C1QTNF3: variants seen among roughly 807,000 people sequenced by gnomAD.
C1QTNF3 encodes the protein C1q and TNF related 3, also known as complement C1q tumor necrosis factor-related protein 3.
C1QTNF3 carries 26 observed loss-of-function variants against 32.6 expected under a neutral mutation model. That is an observed-to-expected ratio of 0.80 (90% CI 0.58 to 1.11). C1QTNF3 has a LOEUF of 1.11. Ranked by LOEUF, C1QTNF3 falls within the 50% of genes least tolerant of loss-of-function variation. C1QTNF3 has a pLI of 0.00. For missense variants in C1QTNF3, 362 were observed against 398.2 expected (o/e 0.91, Z 0.77); for synonymous variants, 155 against 146.0 (o/e 1.06, Z -0.44).
the C1QTNF3 span, among the ~76,000 whole-genome samples, chr5:34,049,891 CAA>C: frequency 6.6e-6 from 1 of 152,158 alleles, no homozygotes; most frequent in African/African-American, 2.4e-5. Context: ...ATAATTCATT[CAA>C]AGTCTACTGA....
At chr5:34,066,160 T>C in the C1QTNF3 span, among the ~76,000 whole-genome samples, 2 of 152,198 alleles carry the variant, frequency 1.3e-5, no homozygotes, top group Non-Finnish European at 2.9e-5. Flanking sequence ...CCTGTGATCT[T>C]ATCGGGAAGC....
chr5:34,026,547 G>A (rs1209844866), intron 4 of C1QTNF3, among the ~76,000 whole-genome samples: 1 of 151,650 alleles, frequency 6.6e-6, no homozygotes, highest in African/African-American at 2.4e-5. Context: ...GCTGGCTTCA[G>A]AAGCTTTCAT....
the C1QTNF3 span, among the ~76,000 whole-genome samples, chr5:34,170,335 T>A: frequency 1.3e-5 from 2 of 152,282 alleles, no homozygotes; most frequent in East Asian, 3.9e-4. Flanking sequence ...GCAAGATAAA[T>A]ACATTTTAGA....
the C1QTNF3 span, among the ~76,000 whole-genome samples, chr5:34,125,872 A>G: frequency 2.6e-5 from 4 of 152,176 alleles, no homozygotes; most frequent in Non-Finnish European, 5.9e-5. Flanking sequence ...AAATTTATTT[A>G]GCTTTTATTA....
intron 1 of C1QTNF3, among the ~76,000 whole-genome samples, chr5:34,040,497 G>A (rs1438204937): frequency 6.6e-6 from 1 of 152,070 alleles, no homozygotes; most frequent in Non-Finnish European, 1.5e-5. Context: ...TGAAAAAGAG[G>A]CTACAGAGAA....
At chr5:34,157,696 G>A in the C1QTNF3 span, among the ~76,000 whole-genome samples, 1 of 152,162 alleles carries the variant, frequency 6.6e-6, no homozygotes. Context: ...GGGGACCAAG[G>A]GTTAAGGAAT....
At chr5:34,168,238 A>G in the C1QTNF3 span, 3 of 152,208 alleles carry the variant, frequency 2.0e-5, no homozygotes, top group South Asian at 6.2e-4. Context: ...AGTATATTTT[A>G]CCTATAATAG....
intron 4 of C1QTNF3, among the ~76,000 whole-genome samples, chr5:34,025,095 C>T (rs1480357991): frequency 6.6e-6 from 1 of 152,148 alleles, no homozygotes; most frequent in Admixed American, 6.6e-5. Flanking sequence ...GCCAGGAATG[C>T]ATATTCAATG....
the C1QTNF3 span, among the ~76,000 whole-genome samples, chr5:34,091,576 T>C: frequency 6.6e-6 from 1 of 152,282 alleles, no homozygotes; most frequent in Admixed American, 6.5e-5. Flanking sequence ...TTCATGACAT[T>C]TGTATGAAAG....
the C1QTNF3 span, chr5:34,106,341 C>T: frequency 6.6e-6 from 1 of 151,662 alleles, no homozygotes; most frequent in East Asian, 1.9e-4. Context: ...TTAAGTAATT[C>T]AAAGAATATA....
chr5:34,022,106 A>C (rs903724411), intron 5 of C1QTNF3, among the ~76,000 whole-genome samples: 10 of 152,268 alleles, frequency 6.6e-5, no homozygotes, highest in Admixed American at 5.9e-4. Context: ...AACTGTCAAG[A>C]AAAGTATATG....
the C1QTNF3 span, among the ~76,000 whole-genome samples, chr5:34,169,962 T>C: frequency 3.3e-5 from 5 of 152,304 alleles, no homozygotes; most frequent in South Asian, 1.0e-3. Context: ...AATCAGGATC[T>C]TGTAGAGATA....
At chr5:34,216,958 T>C in the C1QTNF3 span, among the ~76,000 whole-genome samples, 4 of 152,112 alleles carry the variant, frequency 2.6e-5, no homozygotes, top group African/African-American at 9.7e-5. Context: ...TTGTGAAATA[T>C]AATCACAAAA....
the C1QTNF3 span, among the ~76,000 whole-genome samples, chr5:34,216,459 AT>A: frequency 0.015 from 2,212 of 152,148 alleles, 36 homozygotes; most frequent in South Asian, 0.033. Context: ...ATTTAGAAAG[AT>A]TTTTTTTCTT....
At chr5:34,071,623 A>C in the C1QTNF3 span, among the ~76,000 whole-genome samples, 1 of 152,168 alleles carries the variant, frequency 6.6e-6, no homozygotes, top group South Asian at 2.1e-4. Context: ...ACTTTAAATA[A>C]TAGATTAAAG....
chr5:34,201,082 T>C, the C1QTNF3 span, among the ~76,000 whole-genome samples: 12 of 152,078 alleles, frequency 7.9e-5, no homozygotes, highest in African/African-American at 2.9e-4. Flanking sequence ...CTCCGTAATG[T>C]TGGGCTTGTT....
At chr5:34,091,960 T>C in the C1QTNF3 span, among the ~76,000 whole-genome samples, 9 of 151,972 alleles carry the variant, frequency 5.9e-5, 1 homozygote, top group African/African-American at 1.2e-4. Context: ...ATTGTTAACG[T>C]TGACTACAAG....
chr5:34,054,769 T>C, the C1QTNF3 span, among the ~76,000 whole-genome samples: 1 of 152,214 alleles, frequency 6.6e-6, no homozygotes, highest in Non-Finnish European at 1.5e-5. Flanking sequence ...TTTTTTACCT[T>C]CCTGTCTGTC....
At chr5:34,225,930 T>A in the C1QTNF3 span, among the ~76,000 whole-genome samples, 9 of 150,734 alleles carry the variant, frequency 6.0e-5, no homozygotes, top group African/African-American at 1.5e-4. Context: ...TGCAAAAAAA[T>A]AAAGCTTTTA....
Sources: allele counts gnomAD v4.1 joint callset (sites outside exome capture counted in the v4.1 genomes callset), GRCh38; gene constraint gnomAD v4.1.1; transcripts MANE v1.5; gene names NCBI Gene and HGNC (gene_info 2026-07-23, HGNC 2026-07-21).